TAF3: variants seen among roughly 807,000 people sequenced by gnomAD.
TAF3 encodes the protein transcription initiation factor TFIID subunit 3.
TAF3 carries 7 observed loss-of-function variants against 80.6 expected under a neutral mutation model. The observed-to-expected ratio is 0.09, with a 90% CI of 0.05 to 0.16. The LOEUF (loss-of-function observed/expected upper bound fraction) is 0.16, where lower values mean the gene tolerates loss of function less well. Ranked by LOEUF, TAF3 falls within the 10% of genes least tolerant of loss-of-function variation. TAF3 has a pLI of 1.00. For missense variants in TAF3, 921 were observed against 1,140.2 expected, an observed-to-expected ratio of 0.81 and a Z score of 2.77; for synonymous variants, 444 against 446.1, an observed-to-expected ratio of 1.00 and a Z score of 0.06.
intron 2 of TAF3, among the ~76,000 whole-genome samples, chr10:7,920,887 G>C (rs908048598): frequency 5.9e-5 from 9 of 152,142 alleles, no homozygotes; most frequent in Non-Finnish European, 1.2e-4. Flanking sequence ...AAAAGCTGTT[G>C]CTGGTTTCCC....
intron 2 of TAF3, among the ~76,000 whole-genome samples, chr10:7,920,366 TGTTGA>T (rs1395367865): frequency 6.6e-6 from 1 of 151,452 alleles, no homozygotes; most frequent in Non-Finnish European, 1.5e-5. Context: ...TTGGTTCATT[TGTTGA>T]GTTTTTTCCC....
chr10:8,001,319 G>A lies in TAF3; in HGVS notation c.2316-7759G>A, dbSNP rs1301066478. ...AATCTTTTTCATCTTTACCAAAGAA[G>A]CCTTAGATTGTCATGTTTATATCTT... is the stretch of plus-strand genomic sequence containing the variant. On this transcript the variant is annotated intron_variant, in intron 4 of 6. Coordinates refer to ENST00000344293, the MANE Select transcript of TAF3 (RefSeq NM_031923.4). Among the ~76,000 whole-genome samples the A allele has an allele frequency of 2.6e-5, 4 of 152,254 alleles. No individual in the cohort carries two copies. In the East Asian group the frequency reaches 7.7e-4, roughly 29 times the overall value.
intron 2 of TAF3, among the ~76,000 whole-genome samples, chr10:7,833,304 C>G (rs868255567): frequency 6.6e-6 from 1 of 152,196 alleles, no homozygotes; most frequent in Non-Finnish European, 1.5e-5. Context: ...GACTACTAAT[C>G]TAAATTCCCA....
intron 2 of TAF3, among the ~76,000 whole-genome samples, chr10:7,861,157 G>A (rs1837142010): frequency 6.6e-6 from 1 of 152,044 alleles, no homozygotes; most frequent in Non-Finnish European, 1.5e-5. Context: ...GTAGAGATTG[G>A]GTTTCACTGT....
chr10:7,871,704 A>G (rs1462094482), intron 2 of TAF3, among the ~76,000 whole-genome samples: 1 of 152,052 alleles, frequency 6.6e-6, no homozygotes, highest in Non-Finnish European at 1.5e-5. Flanking sequence ...TCAGCCTCCC[A>G]AAGTGCTGGA....
chr10:7,913,103 C>G (rs968915364), intron 2 of TAF3, among the ~76,000 whole-genome samples: 2 of 152,126 alleles, frequency 1.3e-5, no homozygotes, highest in Admixed American at 1.3e-4. Context: ...CACACACGCC[C>G]GTGATGTCTC....
intron 2 of TAF3, among the ~76,000 whole-genome samples, chr10:7,856,347 G>A (rs1053655816): frequency 6.6e-6 from 1 of 152,020 alleles, no homozygotes; most frequent in African/African-American, 2.4e-5. Flanking sequence ...GTGGTGGTGC[G>A]TGTGTACCTG....
At chr10:7,856,947 C>T (rs1837086906) in intron 2 of TAF3, among the ~76,000 whole-genome samples, 1 of 148,306 alleles carries the variant, frequency 6.7e-6, no homozygotes, top group Non-Finnish European at 1.5e-5. Context: ...TTTACAAATA[C>T]TAATGAGATA....
rs1554789953 is a variant in TAF3, at chr10:8,014,703, C to T, written c.2742C>T (p.Asn914=). 8.1e-6 allele frequency: 13 copies of T among 1,611,224 alleles called. No individual in the cohort carries two copies. Among genetic ancestry groups the T allele is most frequent in the Middle Eastern group, 1.7e-4 (1 of 6,060 alleles). The part of the protein sequence containing the change: ...EMQWFCPKCA[N]KKKDKKHKKR... ...AGTGGTTCTGCCCCAAGTGTGCGAA[C>T]AAGAAGAAGGACAAAAAGCACAAGA... is the stretch of plus-strand genomic sequence containing the variant. Residue 914 remains asparagine, a synonymous_variant, in exon 7 of 7, where the codon AAC becomes AAT. Transcript: ENST00000344293.
intron 2 of TAF3, among the ~76,000 whole-genome samples, chr10:7,921,495 T>G (rs1265736552): frequency 3.3e-5 from 5 of 152,182 alleles, no homozygotes; most frequent in Non-Finnish European, 7.4e-5. Flanking sequence ...CCATTAATGG[T>G]TGTTAAATCA....
chr10:7,977,761 C>G (rs950994564), intron 4 of TAF3, among the ~76,000 whole-genome samples: 6 of 152,170 alleles, frequency 3.9e-5, no homozygotes. Flanking sequence ...TTATTCTGTA[C>G]CTGTAAAACA....
At chr10:8,001,925 A>G (rs911417419) in intron 4 of TAF3, among the ~76,000 whole-genome samples, 1 of 152,194 alleles carries the variant, frequency 6.6e-6, no homozygotes, top group African/African-American at 2.4e-5. Context: ...ATTTTCCACT[A>G]TAACAGCCGG....
intron 2 of TAF3, among the ~76,000 whole-genome samples, chr10:7,902,920 T>A (rs1176275040): frequency 3.3e-5 from 5 of 152,174 alleles, no homozygotes; most frequent in Non-Finnish European, 2.9e-5. Flanking sequence ...GTTTTTTTTT[T>A]ATTTAATGTT....
chr10:7,949,457 G>GC (rs1478869929), intron 2 of TAF3, among the ~76,000 whole-genome samples: 1 of 152,162 alleles, frequency 6.6e-6, no homozygotes, highest in Non-Finnish European at 1.5e-5. Flanking sequence ...AGCCAAGCAG[G>GC]CCCCCACCTG....
intron 2 of TAF3, among the ~76,000 whole-genome samples, chr10:7,838,910 T>TTTTTTTTG (rs1836881215): frequency 7.2e-6 from 1 of 138,440 alleles, no homozygotes; most frequent in African/African-American, 2.7e-5. Context: ...CATTGCTTGT[T>TTTTTTTTG]TTTTTTTTTT....
In TAF3 at chr10:7,964,252, A is replaced by G. The variant is rs777136760; in HGVS notation, c.742A>G (p.Met248Val). 6.4e-5 allele frequency: 103 copies of G among 1,614,104 alleles called. 1 individual carries two copies. The Admixed American group carries it at 1.3e-3, about 20-fold the overall frequency. ...GGCACCTCCCTCACCCGAGCCGCCAATGTTGGCTCCAGTTGCAAAATCACA... is the reference window on the plus strand; with the variant it reads ...GGCACCTCCCTCACCCGAGCCGCCAGTGTTGGCTCCAGTTGCAAAATCACA... The part of the protein sequence containing the change: ...DLAPPSPEPP[M>V]LAPVAKSQMP... The change falls in exon 3 of 7, where the codon ATG (methionine) becomes GTG (valine). Residue 248 changes from methionine to valine, a missense_variant. Coordinates refer to ENST00000344293, the MANE Select transcript of TAF3 (RefSeq NM_031923.4). The surrounding 1 kb of genome is among the most constrained non-coding windows in gnomAD (Gnocchi z 4.1).
intron 2 of TAF3, among the ~76,000 whole-genome samples, chr10:7,863,109 G>C (rs892693402): frequency 2.6e-5 from 4 of 152,154 alleles, no homozygotes; most frequent in African/African-American, 9.7e-5. Context: ...GAAAATCCAG[G>C]AAACTGTGGT....
At chr10:7,908,239 A>G (rs1047755146) in intron 2 of TAF3, among the ~76,000 whole-genome samples, 3 of 152,186 alleles carry the variant, frequency 2.0e-5, no homozygotes, top group Non-Finnish European at 4.4e-5. Flanking sequence ...CAGAGGGCCT[A>G]GTGGTGGGGA....
chr10:7,858,452 C>A (rs1837105491), intron 2 of TAF3, among the ~76,000 whole-genome samples: 1 of 152,156 alleles, frequency 6.6e-6, no homozygotes, highest in Non-Finnish European at 1.5e-5. Context: ...TGATCATTAG[C>A]AGGGGTTGTT....
Sources: allele counts gnomAD v4.1 joint callset (sites outside exome capture counted in the v4.1 genomes callset), GRCh38; gene constraint gnomAD v4.1.1; non-coding constraint Gnocchi (gnomAD v3.1); transcripts MANE v1.5; gene names NCBI Gene and HGNC (gene_info 2026-07-23, HGNC 2026-07-21).